MYO16: variants seen among roughly 807,000 people sequenced by gnomAD.
The protein encoded by MYO16 is myosin XVI.
MYO16 carries 94 observed loss-of-function variants against 205.3 expected under a neutral mutation model. The observed-to-expected ratio is 0.46, with a 90% CI of 0.39 to 0.54. The LOEUF is 0.54. Among genes scored for constraint, MYO16 ranks in the 20% least tolerant of loss-of-function variants. The probability of loss-of-function intolerance (pLI) is 0.00; values close to 1 mark genes in which losing one functional copy is unlikely to be tolerated. For synonymous variants in MYO16, 988 were observed against 954.0 expected (o/e 1.04, Z -0.66); for missense variants, 2,315 against 2,387.5 (o/e 0.97, Z 0.63).
chr13:108,658,459 T>TGTG (rs200414713), intron 1 of MYO16, among the ~76,000 whole-genome samples: 1 of 150,520 alleles, frequency 6.6e-6, no homozygotes, highest in African/African-American at 2.4e-5. Context: ...TGTGTGTGTG[T>TGTG]TTTCTAAATT....
At chr13:108,934,398 G>A (rs1288193691) in intron 16 of MYO16, among the ~76,000 whole-genome samples, 1 of 152,158 alleles carries the variant, frequency 6.6e-6, no homozygotes, top group East Asian at 1.9e-4. Context: ...GTCATCGTTT[G>A]TGAAGTGTCC....
chr13:108,754,876 A>C (rs1304090440), intron 4 of MYO16, among the ~76,000 whole-genome samples: 1 of 152,214 alleles, frequency 6.6e-6, no homozygotes, highest in Non-Finnish European at 1.5e-5. Context: ...GTGAAGAATA[A>C]AAAATATAAA....
At chr13:108,842,944 A>G (rs963989904) in intron 9 of MYO16, among the ~76,000 whole-genome samples, 12 of 152,180 alleles carry the variant, frequency 7.9e-5, no homozygotes, top group African/African-American at 2.9e-4. Flanking sequence ...AAATTCTATC[A>G]TTTGCAGTGG....
chr13:108,555,545 G>A, the MYO16 span, among the ~76,000 whole-genome samples: 1 of 152,110 alleles, frequency 6.6e-6, no homozygotes, highest in Admixed American at 6.5e-5. Flanking sequence ...TGGCTAAATC[G>A]AGCTAATTAA....
intron 4 of MYO16, among the ~76,000 whole-genome samples, chr13:108,744,526 A>G (rs1245302271): frequency 6.6e-6 from 1 of 152,248 alleles, no homozygotes; most frequent in Non-Finnish European, 1.5e-5. Flanking sequence ...GAAGAACAGT[A>G]TGATTCTGCT....
At chr13:108,746,559 T>C (rs1191727607) in intron 4 of MYO16, among the ~76,000 whole-genome samples, 1 of 152,186 alleles carries the variant, frequency 6.6e-6, no homozygotes, top group Non-Finnish European at 1.5e-5. Context: ...AAAGGCGACA[T>C]TTATTATGAT....
chr13:108,673,929 CTT>C (rs1291462921), intron 2 of MYO16, among the ~76,000 whole-genome samples: 5 of 152,290 alleles, frequency 3.3e-5, no homozygotes, highest in African/African-American at 9.6e-5. Flanking sequence ...CTTGAAGTCA[CTT>C]TGATTTTTGG....
intron 16 of MYO16, among the ~76,000 whole-genome samples, chr13:108,935,842 A>G (rs1882454998): frequency 6.7e-6 from 1 of 149,930 alleles, no homozygotes; most frequent in African/African-American, 2.5e-5. Context: ...TCATGAAGGG[A>G]TGTTGGATTT....
chr13:108,744,059 T>G (rs536338650), intron 4 of MYO16, among the ~76,000 whole-genome samples: 1 of 152,338 alleles, frequency 6.6e-6, no homozygotes, highest in Admixed American at 6.5e-5. Flanking sequence ...AATTTTCCTG[T>G]GAACTGTGGT....
chr13:109,045,548 C>G (rs746834461), intron 23 of MYO16, among the ~76,000 whole-genome samples: 1 of 152,148 alleles, frequency 6.6e-6, no homozygotes, highest in African/African-American at 2.4e-5. Flanking sequence ...GCATTGTCCC[C>G]CAGCTCAACT....
chr13:109,128,049 A>G (rs1171543319), intron 31 of MYO16, among the ~76,000 whole-genome samples: 1 of 152,358 alleles, frequency 6.6e-6, no homozygotes, highest in East Asian at 1.9e-4. Flanking sequence ...AGAAACAGGG[A>G]TGCTCAAAAG....
chr13:109,005,848 A>C (rs1232217348), intron 21 of MYO16, among the ~76,000 whole-genome samples: 1 of 152,156 alleles, frequency 6.6e-6, no homozygotes, highest in Non-Finnish European at 1.5e-5. Flanking sequence ...TTTCCCCCTG[A>C]GACTTCTTCA....
intron 12 of MYO16, among the ~76,000 whole-genome samples, chr13:108,879,174 T>C (rs1400658446): frequency 6.6e-6 from 1 of 152,206 alleles, no homozygotes; most frequent in African/African-American, 2.4e-5. Flanking sequence ...ATTGGTTACC[T>C]GTGTTTGTAC....
At chr13:108,532,434 A>G in the MYO16 span, among the ~76,000 whole-genome samples, 1 of 151,296 alleles carries the variant, frequency 6.6e-6, no homozygotes, top group Non-Finnish European at 1.5e-5. Flanking sequence ...GAAAATAACC[A>G]TCTTCTGCTT....
At chr13:108,932,674 C>T (rs1244154634) in intron 16 of MYO16, among the ~76,000 whole-genome samples, 1 of 152,110 alleles carries the variant, frequency 6.6e-6, no homozygotes, top group African/African-American at 2.4e-5. Context: ...GATAAGTTTC[C>T]TTGTTGTCTG....
At chr13:108,930,356 A>G (rs1037520735) in intron 16 of MYO16, among the ~76,000 whole-genome samples, 1 of 152,178 alleles carries the variant, frequency 6.6e-6, no homozygotes, top group Non-Finnish European at 1.5e-5. Flanking sequence ...CTATGACACC[A>G]TGAAATGAAG....
chr13:109,184,096 T>A (rs1879572060), intron 34 of MYO16, among the ~76,000 whole-genome samples: 1 of 152,164 alleles, frequency 6.6e-6, no homozygotes, highest in Non-Finnish European at 1.5e-5. Flanking sequence ...AATAATGAAA[T>A]GTGGAAATAT....
At chr13:108,716,826 G>A (rs1328426196) in intron 3 of MYO16, among the ~76,000 whole-genome samples, 1 of 152,136 alleles carries the variant, frequency 6.6e-6, no homozygotes, top group African/African-American at 2.4e-5. Flanking sequence ...AGATATTTGA[G>A]AAACATATTT....
chr13:108,562,045 C>T, the MYO16 span, among the ~76,000 whole-genome samples: 1 of 152,136 alleles, frequency 6.6e-6, no homozygotes, highest in Non-Finnish European at 1.5e-5. Context: ...TCTTGGGCTG[C>T]TCAACAATGT....
Sources: allele counts gnomAD v4.1 joint callset (sites outside exome capture counted in the v4.1 genomes callset), GRCh38; gene constraint gnomAD v4.1.1; transcripts MANE v1.5; gene names NCBI Gene and HGNC (gene_info 2026-07-23, HGNC 2026-07-21).